The following MYLK variants were observed in gnomAD, a reference collection of about 807,000 sequenced individuals.
The protein encoded by MYLK is myosin light chain kinase, smooth muscle.
Under a neutral mutation model 203.4 loss-of-function variants are expected in MYLK, and 106 were observed. The ratio of observed to expected loss-of-function variants is 0.52; its 90% CI spans 0.45 to 0.61. MYLK has a LOEUF of 0.61. MYLK is among the 20% of genes least tolerant of loss of function. The pLI is 0.00. For missense variants in MYLK, 2,072 were observed against 2,442.3 expected, an observed-to-expected ratio of 0.85 and a Z score of 3.20; for synonymous variants, 867 against 959.5, an observed-to-expected ratio of 0.90 and a Z score of 1.78.
intron 8 of MYLK, chr3:123,737,135 C>T: frequency 5.9e-6 from 3 of 510,226 alleles, no homozygotes; most frequent in Non-Finnish European, 1.1e-5. Flanking sequence ...AGGAGAATCG[C>T]TTGAACCTGG....
rs189308527 is a variant in MYLK, at chr3:123,690,521, G to C, written c.3565+2214C>G. On this transcript the variant is annotated intron_variant, in intron 19 of 33. Transcript: ENST00000360304. The stretch of plus-strand genomic sequence containing the variant: ...GAATGAGGGCAGGAGATGTAGCCTA[G>C]CCAGTGGGGTGGAGCACCAGACGAT... 2.0e-5 allele frequency among the ~76,000 whole-genome samples: 3 copies of C among 152,320 alleles called. No homozygotes were observed. In the East Asian group the frequency reaches 5.8e-4, roughly 29 times the overall value.
At chr3:123,796,626 C>T (rs1026647472) in intron 3 of MYLK, among the ~76,000 whole-genome samples, 1 of 152,164 alleles carries the variant, frequency 6.6e-6, no homozygotes, top group East Asian at 1.9e-4. Flanking sequence ...ATGATATGAC[C>T]TGAACAATGC....
chr3:123,845,842 A>G (rs1279838058), intron 2 of MYLK, among the ~76,000 whole-genome samples: 1 of 152,144 alleles, frequency 6.6e-6, no homozygotes, highest in Admixed American at 6.6e-5. Context: ...AAAAAATTCC[A>G]CCACCTCCCC....
At chr3:123,797,106 T>C (rs563040689) in intron 3 of MYLK, among the ~76,000 whole-genome samples, 7 of 152,292 alleles carry the variant, frequency 4.6e-5, no homozygotes, top group South Asian at 2.1e-4. Context: ...TTTGATGATA[T>C]AGAAATTTTA....
chr3:123,736,714 T>G (rs770709473), intron 8 of MYLK, among the ~76,000 whole-genome samples: 2 of 152,164 alleles, frequency 1.3e-5, no homozygotes, highest in Non-Finnish European at 2.9e-5. Context: ...AAATTATCAG[T>G]AAATTCTGGG....
intron 4 of MYLK, among the ~76,000 whole-genome samples, chr3:123,793,078 T>G (rs1039961894): frequency 6.6e-6 from 1 of 152,170 alleles, no homozygotes; most frequent in Admixed American, 6.5e-5. Context: ...ATAGTACAAC[T>G]ATTCTTCAGT....
At chr3:123,628,655 G>A (rs1208011294) in intron 30 of MYLK, among the ~76,000 whole-genome samples, 3 of 152,134 alleles carry the variant, frequency 2.0e-5, no homozygotes, top group Non-Finnish European at 2.9e-5. Flanking sequence ...CAGAGCCCAG[G>A]ACAGTTCCTT....
chr3:123,829,190 G>A (rs537132795), intron 3 of MYLK, among the ~76,000 whole-genome samples: 1 of 152,294 alleles, frequency 6.6e-6, no homozygotes, highest in Non-Finnish European at 1.5e-5. Context: ...TGGGATCAAT[G>A]TAGGTATCCA....
chr3:123,825,588 C>A lies in MYLK; in HGVS notation c.-4+5960G>T, dbSNP rs145458556. 6.7e-3 allele frequency among the ~76,000 whole-genome samples: 1,016 copies of A among 152,326 alleles called. 18 individuals carry two copies. In the South Asian group the frequency reaches 0.075, roughly 11 times the overall value. On this transcript the variant is annotated intron_variant, in intron 3 of 33. Transcript: ENST00000360304. ...AGCACAAAGTATGCACTTCCCATCTCTCCCATCCCTTGTGAGCCAAGCTGC... is the reference window on the plus strand; with the variant it reads ...AGCACAAAGTATGCACTTCCCATCTATCCCATCCCTTGTGAGCCAAGCTGC...
intron 2 of MYLK, among the ~76,000 whole-genome samples, chr3:123,857,028 C>CA (rs2031453830): frequency 6.6e-6 from 1 of 152,052 alleles, no homozygotes; most frequent in South Asian, 2.1e-4. Context: ...TTTATGCAGC[C>CA]AAAAAACACA....
At chr3:123,761,791 C>T (rs1367265346) in intron 4 of MYLK, among the ~76,000 whole-genome samples, 1 of 152,042 alleles carries the variant, frequency 6.6e-6, no homozygotes, top group African/African-American at 2.4e-5. Flanking sequence ...TTTGGGAGGC[C>T]GAGGCAGGTG....
At chr3:123,726,295 T>C (rs773431418) in intron 11 of MYLK, among the ~76,000 whole-genome samples, 1 of 152,184 alleles carries the variant, frequency 6.6e-6, no homozygotes, top group Non-Finnish European at 1.5e-5. Context: ...AGGGGCTTTT[T>C]CACAGTCACA....
At chr3:123,882,370 C>T (rs4487198) in intron 1 of MYLK, among the ~76,000 whole-genome samples, 128,409 of 152,176 alleles carry the variant, frequency 0.84, 54,538 homozygotes, top group East Asian at 0.96. Context: ...GCTGAGATCA[C>T]GCCACTGTAC....
intron 27 of MYLK, among the ~76,000 whole-genome samples, chr3:123,643,312 T>C (rs1415999461): frequency 4.6e-5 from 7 of 152,324 alleles, no homozygotes; most frequent in African/African-American, 4.8e-5. Context: ...AATGTTTACA[T>C]TTAAATTTTA....
intron 31 of MYLK, chr3:123,623,598 G>A (rs1430957400): frequency 6.6e-6 from 1 of 152,068 alleles, no homozygotes; most frequent in African/African-American, 2.4e-5. Context: ...ATAACAAGAA[G>A]GTGCCTTCTC....
chr3:123,720,495 G>A (rs2108730658), intron 13 of MYLK, among the ~76,000 whole-genome samples: 1 of 152,264 alleles, frequency 6.6e-6, no homozygotes, highest in South Asian at 2.1e-4. Flanking sequence ...TCTGGGGTTG[G>A]CCACGCTGGC....
chr3:123,739,862 G>A, intron 6 of MYLK, 91 bp downstream of exon 6: 1 of 1,389,062 alleles, frequency 7.2e-7, no homozygotes. Context: ...TATAACCTAG[G>A]AGAGCCAAGA....
intron 29 of MYLK, among the ~76,000 whole-genome samples, chr3:123,636,735 G>A (rs989658019): frequency 2.6e-5 from 4 of 152,234 alleles, no homozygotes; most frequent in African/African-American, 9.6e-5. Flanking sequence ...TCCAAGAGGG[G>A]GCGGGGCAGG....
chr3:123,771,174 A>G (rs1385249332), intron 4 of MYLK, among the ~76,000 whole-genome samples: 1 of 152,236 alleles, frequency 6.6e-6, no homozygotes, highest in African/African-American at 2.4e-5. Flanking sequence ...CTATAAAACT[A>G]TGTGGATCCA....
Sources: allele counts gnomAD v4.1 joint callset (sites outside exome capture counted in the v4.1 genomes callset), GRCh38; gene constraint gnomAD v4.1.1; transcripts MANE v1.5; gene names NCBI Gene and HGNC (gene_info 2026-07-23, HGNC 2026-07-21).